The following SOX5 variants were observed in gnomAD, a reference collection of about 807,000 sequenced individuals.
SOX5 encodes the protein SRY-box transcription factor 5, also known as transcription factor SOX-5.
Under a neutral mutation model 92.0 loss-of-function variants are expected in SOX5, and 9 were observed. That is an observed-to-expected ratio of 0.10 (90% CI 0.06 to 0.17). SOX5 has a LOEUF of 0.17. Ranked by LOEUF, SOX5 falls within the 10% of genes least tolerant of loss-of-function variation. The probability of loss-of-function intolerance (pLI) is 1.00; values close to 1 mark genes in which losing one functional copy is unlikely to be tolerated. For synonymous variants in SOX5, 344 were observed against 336.3 expected, an observed-to-expected ratio of 1.02 and a Z score of -0.25; for missense variants, 642 against 944.5, an observed-to-expected ratio of 0.68 and a Z score of 4.20.
intron 11 of SOX5, among the ~76,000 whole-genome samples, 167 bp downstream of exon 11, chr12:23,563,091 G>C (rs1440004007): frequency 6.6e-6 from 1 of 152,200 alleles, no homozygotes; most frequent in Non-Finnish European, 1.5e-5. Flanking sequence ...TCTATTTCCA[G>C]ATGGTTTTGA....
intron 3 of SOX5, among the ~76,000 whole-genome samples, chr12:23,805,744 G>A (rs568354066): frequency 2.0e-5 from 3 of 152,124 alleles, no homozygotes; most frequent in African/African-American, 7.2e-5. Context: ...CAGTAATTCA[G>A]AACAAAGTCA....
chr12:23,790,579 C>CAT (rs1265006323), intron 3 of SOX5, among the ~76,000 whole-genome samples: 8 of 150,830 alleles, frequency 5.3e-5, no homozygotes, highest in African/African-American at 1.5e-4. Flanking sequence ...CACACACACA[C>CAT]GAAAGTTCTG....
chr12:24,331,660 C>T (rs112807133), intron 2 of SOX5, among the ~76,000 whole-genome samples: 764 of 151,490 alleles, frequency 5.0e-3, no homozygotes, highest in Middle Eastern at 0.01. Flanking sequence ...CCATCCTGGC[C>T]AACATCATGA....
chr12:24,511,898 A>C (rs1414877899), intron 1 of SOX5, among the ~76,000 whole-genome samples: 1 of 151,430 alleles, frequency 6.6e-6, no homozygotes, highest in Non-Finnish European at 1.5e-5. Context: ...GTGGATCTTG[A>C]AGTGAGCCCA....
intron 4 of SOX5, among the ~76,000 whole-genome samples, chr12:24,104,827 T>C (rs1171828688): frequency 6.6e-6 from 1 of 152,228 alleles, no homozygotes; most frequent in Non-Finnish European, 1.5e-5. Context: ...GGGTTTTATG[T>C]TCAATTGTTT....
chr12:23,782,945 A>T (rs2095311073), intron 3 of SOX5, among the ~76,000 whole-genome samples: 1 of 152,090 alleles, frequency 6.6e-6, no homozygotes, highest in African/African-American at 2.4e-5. Flanking sequence ...TTTAATAAAT[A>T]TTCTGTAAGG....
chr12:24,554,449 A>G (rs555149730), intron 1 of SOX5, among the ~76,000 whole-genome samples: 1 of 152,286 alleles, frequency 6.6e-6, no homozygotes, highest in South Asian at 2.1e-4. Context: ...TCAGGAAAAA[A>G]TTATGCCAAA....
intron 1 of SOX5, among the ~76,000 whole-genome samples, chr12:24,482,400 G>C (rs1331235700): frequency 6.6e-6 from 1 of 152,164 alleles, no homozygotes; most frequent in Non-Finnish European, 1.5e-5. Flanking sequence ...TTTACTCATA[G>C]ACTTTTCAGT....
At chr12:23,776,284 C>G (rs1409812840) in intron 3 of SOX5, among the ~76,000 whole-genome samples, 1 of 151,968 alleles carries the variant, frequency 6.6e-6, no homozygotes, top group Non-Finnish European at 1.5e-5. Context: ...ATTTATTTTC[C>G]TCACTGTCTT....
At chr12:24,151,457 C>T (rs1342660252) in intron 4 of SOX5, among the ~76,000 whole-genome samples, 1 of 151,976 alleles carries the variant, frequency 6.6e-6, no homozygotes, top group Non-Finnish European at 1.5e-5. Flanking sequence ...AACATCATAG[C>T]CAAAATATCA....
intron 11 of SOX5, among the ~76,000 whole-genome samples, chr12:23,557,890 C>A (rs912751611): frequency 1.3e-5 from 2 of 150,748 alleles, no homozygotes; most frequent in Non-Finnish European, 2.9e-5. Context: ...GCAGAGGAAT[C>A]GCTTGAACCC....
intron 4 of SOX5, among the ~76,000 whole-genome samples, chr12:23,988,430 G>C (rs994006060): frequency 1.3e-5 from 2 of 152,076 alleles, no homozygotes; most frequent in African/African-American, 4.8e-5. Flanking sequence ...TATAGGGTTG[G>C]GATTTGAGGA....
Position 24,068,739 on chromosome 12 carries a change from T to C in SOX5, c.-2+144604A>G, listed in dbSNP as rs1027920638. Among the ~76,000 whole-genome samples, 27 of 79,530 alleles carry C rather than the reference T, an allele frequency of 3.4e-4. 1 individual carries two copies. The highest frequency in any genetic ancestry group is 1.1e-3 in the African/African-American group (24 of 21,546). The allele number at this position is 79,530 out of a possible 152,430, so 52.2% of individuals were successfully genotyped here. A position where few individuals can be genotyped will look rare whatever the true frequency, so the allele number is the denominator to read the frequency against. ...ATATATATATATATATATATATATATATATATATACACACACACACATTAG... is the reference window on the plus strand; with the variant it reads ...ATATATATATATATATATATATATACATATATATACACACACACACATTAG... On this transcript the variant is annotated intron_variant, in intron 4 of 4. Transcript: ENST00000446891.
chr12:23,826,100 TG>T (rs1381625597), intron 3 of SOX5, among the ~76,000 whole-genome samples: 5 of 152,106 alleles, frequency 3.3e-5, no homozygotes, highest in Non-Finnish European at 7.4e-5. Context: ...TGCATACATG[TG>T]CCATGCTGGT....
At chr12:24,056,031 A>G (rs2137195544) in intron 4 of SOX5, among the ~76,000 whole-genome samples, 1 of 152,356 alleles carries the variant, frequency 6.6e-6, no homozygotes, top group Non-Finnish European at 1.5e-5. Context: ...CTAGGGTCAC[A>G]TGTGCCACAC....
chr12:24,509,604 C>A (rs764602787), intron 1 of SOX5, among the ~76,000 whole-genome samples: 3 of 151,950 alleles, frequency 2.0e-5, no homozygotes, highest in Non-Finnish European at 4.4e-5. Context: ...TGCCATTGAC[C>A]CAATAAATAG....
chr12:23,846,279 CA>C, intron 2 of SOX5, 86 bp from the exon 3 acceptor site: 1 of 1,022,674 alleles, frequency 9.8e-7, no homozygotes, highest in African/African-American at 1.6e-5. Context: ...AAAGAGAAAG[CA>C]AAAGGACAAA....
At chr12:24,300,485 G>A (rs1184570710) in intron 2 of SOX5, among the ~76,000 whole-genome samples, 8 of 152,078 alleles carry the variant, frequency 5.3e-5, no homozygotes, top group African/African-American at 4.8e-5. Context: ...CTTGCAACGA[G>A]ACCAATATTC....
intron 1 of SOX5, among the ~76,000 whole-genome samples, chr12:24,537,740 G>C (rs1951765198): frequency 6.6e-6 from 1 of 152,190 alleles, no homozygotes; most frequent in South Asian, 2.1e-4. Flanking sequence ...TCTAGTCACA[G>C]TTAAAGCACC....
Sources: gnomAD v4.1 joint callset for allele counts (sites outside exome capture counted in the v4.1 genomes callset) on GRCh38, gnomAD v4.1.1 for gene constraint, MANE v1.5 for transcripts, NCBI Gene and HGNC (gene_info 2026-07-23, HGNC 2026-07-21) for gene names.